Variants in MREG observed in about 807,000 individuals in gnomAD.
The protein encoded by MREG is dilute suppressor protein homolog.
A neutral mutation model predicts 28.5 loss-of-function variants in MREG; 31 were observed. The ratio of observed to expected loss-of-function variants is 1.09; its 90% confidence interval spans 0.82 to 1.47. The LOEUF is 1.47. Among genes scored for constraint, MREG ranks in the 40% most tolerant of loss-of-function variants. The pLI, the probability that MREG is intolerant of heterozygous loss-of-function variation, is 0.00. For synonymous variants in MREG, 106 were observed against 95.2 expected, an observed-to-expected ratio of 1.11 and a Z score of -0.66; for missense variants, 256 against 257.4, an observed-to-expected ratio of 0.99 and a Z score of 0.04.
At chr2:215,969,673 C>T (rs1313242049) in intron 2 of MREG, among the ~76,000 whole-genome samples, 1 of 152,164 alleles carries the variant, frequency 6.6e-6, no homozygotes, top group Non-Finnish European at 1.5e-5. Flanking sequence ...GTATGTCCAC[C>T]TCCCAAGGCC....
intron 1 of MREG, among the ~76,000 whole-genome samples, chr2:216,027,432 C>T (rs1169248828): frequency 6.6e-6 from 1 of 152,196 alleles, no homozygotes; most frequent in Non-Finnish European, 1.5e-5. Context: ...TGGCTCACCC[C>T]TATAATCCCA....
intron 2 of MREG, among the ~76,000 whole-genome samples, chr2:215,995,511 C>CCCCCCCCCCCCCCCCCCCCCCCCCG (rs146414052): frequency 7.3e-6 from 1 of 136,122 alleles, no homozygotes; most frequent in Admixed American, 7.2e-5. Flanking sequence ...CCCACCCCAC[C>CCCCCCCCCCCCCCCCCCCCCCCCCG]CCCCGCCACC....
In MREG at chr2:215,996,656, A is replaced by T. The variant is rs189920625; in HGVS notation, c.96-191T>A. ...AGCAGTAAAAACAAACCAAAAATAT[A>T]AATAAATCACTTTAAAAAGAACAGA... On this transcript the variant is annotated intron_variant, in intron 1 of 4. Transcript: ENST00000263268. 1.3e-3 allele frequency among the ~76,000 whole-genome samples: 195 copies of T among 152,374 alleles called. 2 individuals carry two copies. The highest frequency in any genetic ancestry group is 4.3e-3 in the African/African-American group (178 of 41,582).
At chr2:216,004,885 G>A (rs913466808) in intron 1 of MREG, among the ~76,000 whole-genome samples, 1 of 152,180 alleles carries the variant, frequency 6.6e-6, no homozygotes, top group African/African-American at 2.4e-5. Flanking sequence ...GGTCAGGGTA[G>A]AATGTTCTGA....
rs991473285 is a variant in MREG at position 215,959,933 on chromosome 2, T to G, written c.256-12820A>C. 1.7e-4 allele frequency among the ~76,000 whole-genome samples: 26 copies of G among 151,888 alleles called. 1 individual carries two copies. Among genetic ancestry groups the G allele is most frequent in the Non-Finnish European group, 2.4e-4 (16 of 67,990 alleles). ...TCCTCAGTTCCTTTACGAAAATTGTTGTAGAGTTACTGACTGTATAGATAC... is the reference window on the plus strand; with the variant it reads ...TCCTCAGTTCCTTTACGAAAATTGTGGTAGAGTTACTGACTGTATAGATAC... On this transcript the variant is annotated intron_variant, in intron 2 of 4. Transcript: ENST00000263268.
Position 215,943,702 on chromosome 2 carries a change from G to T in MREG, c.*1161C>A. On this transcript the variant is annotated 3_prime_UTR_variant, in exon 5 of 5. Transcript: ENST00000263268. ...TAAAAATACAAAAAATTAGCCAGGTGTGGTGGCACGCGCCTGTAGTTCCAG... is the reference window on the plus strand; with the variant it reads ...TAAAAATACAAAAAATTAGCCAGGTTTGGTGGCACGCGCCTGTAGTTCCAG... 1 of 342,684 alleles carries T rather than the reference G, an allele frequency of 2.9e-6. No individual in the cohort carries two copies. Among genetic ancestry groups the T allele is most frequent in the South Asian group, 2.3e-5 (1 of 44,440 alleles). The allele number at this position is 342,684 out of a possible 1,614,324, so 21.2% of individuals were successfully genotyped here.
At chr2:215,975,075 G>C (rs930151824) in intron 2 of MREG, among the ~76,000 whole-genome samples, 17 of 139,680 alleles carry the variant, frequency 1.2e-4, no homozygotes, top group Non-Finnish European at 1.5e-4. Context: ...AAACTATAAA[G>C]TTAAAGGAAA....
intron 3 of MREG, 118 bp downstream of exon 3, chr2:215,946,905 C>T: frequency 1.5e-6 from 1 of 664,882 alleles, no homozygotes; most frequent in Non-Finnish European, 2.7e-6. Context: ...AATTAGTACA[C>T]AGTAGTCTTA....
intron 2 of MREG, among the ~76,000 whole-genome samples, chr2:215,963,940 A>G (rs1419085161): frequency 6.6e-6 from 1 of 152,240 alleles, no homozygotes; most frequent in Non-Finnish European, 1.5e-5. Flanking sequence ...AAACTTTTAT[A>G]TGTGACGGGA....
intron 2 of MREG, among the ~76,000 whole-genome samples, chr2:215,979,050 G>T (rs906927594): frequency 1.1e-4 from 16 of 152,178 alleles, no homozygotes; most frequent in African/African-American, 3.9e-4. Flanking sequence ...CAATAGCCTA[G>T]ATGTCTTTGA....
chr2:215,949,601 T>C (rs980541849), intron 2 of MREG, among the ~76,000 whole-genome samples: 6 of 152,026 alleles, frequency 3.9e-5, no homozygotes, highest in African/African-American at 9.7e-5. Context: ...GAATTATTTC[T>C]ACTATGAGCA....
At chr2:215,977,905 C>CT (rs1693303619) in intron 2 of MREG, among the ~76,000 whole-genome samples, 1 of 152,168 alleles carries the variant, frequency 6.6e-6, no homozygotes, top group Non-Finnish European at 1.5e-5. Context: ...ATTTATAGCA[C>CT]TAAATGCCCA....
At chr2:215,946,659 C>T (rs1463654705) in intron 3 of MREG, among the ~76,000 whole-genome samples, 2 of 152,148 alleles carry the variant, frequency 1.3e-5, no homozygotes. Context: ...ATATTTCTCC[C>T]AACCTGCTTC....
intron 1 of MREG, among the ~76,000 whole-genome samples, chr2:215,998,283 C>A: frequency 6.9e-6 from 1 of 145,276 alleles, no homozygotes; most frequent in East Asian, 2.0e-4. Flanking sequence ...CCAGTCTGGG[C>A]GACAAGAGCA....
rs1559171964 is a variant in MREG at position 215,944,922 on chromosome 2, C to A, written c.586G>T (p.Val196Phe). 3 of 1,609,040 alleles carry A rather than the reference C, an allele frequency of 1.9e-6. No homozygotes were observed. In the East Asian group the frequency reaches 6.7e-5, roughly 36 times the overall value. The change falls in exon 5 of 5, where the codon GTT (valine) becomes TTT (phenylalanine). Residue 196 changes from valine to phenylalanine, a missense_variant. Physicochemically the swap from Val to Phe is conservative, Grantham distance 50. Coordinates refer to ENST00000263268, the MANE Select transcript of MREG (RefSeq NM_018000.3). ...TTCTGGCCATCTGCCAGGCATGGAA[C>A]CCCAGGCTTCTTGGGGTAAGTTCGA... ...ARRTYPKKPGVPCLADGQKEL... is the reference protein window; with the variant it reads ...ARRTYPKKPGFPCLADGQKEL...
intron 1 of MREG, among the ~76,000 whole-genome samples, chr2:216,002,113 G>A (rs943107553): frequency 4.6e-5 from 7 of 152,256 alleles, no homozygotes; most frequent in Non-Finnish European, 8.8e-5. Context: ...ACCTGCTGAT[G>A]ATAAATATTT....
chr2:215,978,997 CG>C (rs1373962492), intron 2 of MREG, among the ~76,000 whole-genome samples: 5 of 152,180 alleles, frequency 3.3e-5, no homozygotes, highest in Non-Finnish European at 7.3e-5. Flanking sequence ...ATGGACACAT[CG>C]GGTAGAATTT....
chr2:215,974,870 TCTCTCC>T (rs1437169649), intron 2 of MREG, among the ~76,000 whole-genome samples: 2 of 150,200 alleles, frequency 1.3e-5, no homozygotes, highest in African/African-American at 4.9e-5. Flanking sequence ...TCTCTCTCTC[TCTCTCC>T]CTCTCTCCAC....
intron 1 of MREG, among the ~76,000 whole-genome samples, chr2:216,012,268 T>C (rs7564850): frequency 0.14 from 20,877 of 152,134 alleles, 1,759 homozygotes; most frequent in South Asian, 0.22. Context: ...GTGTACACTG[T>C]TTAATGTACT....
Sources: allele counts gnomAD v4.1 joint callset (sites outside exome capture counted in the v4.1 genomes callset), GRCh38; gene constraint gnomAD v4.1.1; transcripts MANE v1.5; gene names NCBI Gene and HGNC (gene_info 2026-07-23, HGNC 2026-07-21).